Variants in NHSL2 observed in about 807,000 individuals in gnomAD.
NHSL2 encodes the protein NHS like 2.
A neutral mutation model predicts 53.4 loss-of-function variants in NHSL2; 27 were observed. That is an observed-to-expected ratio of 0.51 (90% CI 0.37 to 0.70). The LOEUF (loss-of-function observed/expected upper bound fraction) is 0.70, where lower values mean the gene tolerates loss of function less well. NHSL2 is among the 30% of genes least tolerant of loss of function. The pLI is 0.00. For missense variants in NHSL2, 892 were observed against 980.1 expected (o/e 0.91, Z 1.20); for synonymous variants, 408 against 404.1 (o/e 1.01, Z -0.12).
intron 1 of NHSL2, among the ~76,000 whole-genome samples, chrX:72,043,140 T>C (rs763544451): frequency 9.0e-6 from 1 of 111,177 alleles, no homozygotes; most frequent in Non-Finnish European, 1.9e-5. Context: ...TTCCTGACTT[T>C]TGTGAGTCTC....
rs760754192 is a variant in NHSL2 at position 72,132,059 on chromosome X, C to T, written c.281-20C>T. 1.9e-4 allele frequency: 219 copies of T among 1,163,876 alleles called. 1 individual carries two copies. The African/African-American group carries it at 3.3e-3, about 17-fold the overall frequency. On this transcript the variant is annotated intron_variant, in intron 1 of 7. Coordinates refer to ENST00000633930, the MANE Select transcript of NHSL2 (RefSeq NM_001013627.3). ...CCCTCCAGCTCGCCTGCGCCTCTCA[C>T]TGACTCTCTCCTTCCCTAGCTGCAG...
chrX:71,995,555 G>T (rs2042046445), intron 1 of NHSL2, among the ~76,000 whole-genome samples: 2 of 111,667 alleles, frequency 1.8e-5, no homozygotes, highest in Admixed American at 1.9e-4. Context: ...CTTTGCATTT[G>T]CTGTTCCCTC....
At chrX:72,105,004 G>A (rs984167115) in intron 1 of NHSL2, among the ~76,000 whole-genome samples, 15 of 112,006 alleles carry the variant, frequency 1.3e-4, no homozygotes, top group Non-Finnish European at 2.1e-4. Context: ...AGCAGGATCG[G>A]TCAGAGACAG....
Position 72,020,500 on chromosome X carries a change from G to A in NHSL2, c.280+109133G>A, listed in dbSNP as rs145960767. Among the ~76,000 whole-genome samples, 510 of 112,655 alleles carry A rather than the reference G, an allele frequency of 4.5e-3. 4 individuals are homozygous for A. The highest frequency in any genetic ancestry group is 7.8e-3 in the Non-Finnish European group (414 of 53,280). ...GGGCTCTGGACGCAAACCACTATAT[G>A]GCCTCTTCTTCCTTCCTGGAGTTGG... On this transcript the variant is annotated intron_variant, in intron 1 of 7. Transcript: ENST00000633930.
At chrX:71,953,812 A>G (rs1252121468) in intron 1 of NHSL2, among the ~76,000 whole-genome samples, 4 of 112,096 alleles carry the variant, frequency 3.6e-5, no homozygotes, top group Non-Finnish European at 7.5e-5. Context: ...GCTTCCTGTA[A>G]TGCTTTCCTT....
At position 71,999,850 on chromosome X, in the gene NHSL2, A is replaced by G. The variant is rs186268487; in HGVS notation, c.280+88483A>G. ...TGGTTGTTTCACTTTCTTCTTACTC[A>G]TTAACATAAATGAAAATATCAACCA... On this transcript the variant is annotated intron_variant, in intron 1 of 7. Coordinates refer to ENST00000633930, the MANE Select transcript of NHSL2 (RefSeq NM_001013627.3). Among the ~76,000 whole-genome samples the G allele has an allele frequency of 1.5e-3, 170 of 112,274 alleles. 1 individual carries two copies. Among genetic ancestry groups the G allele is most frequent in the African/African-American group, 5.2e-3 (160 of 30,951 alleles).
At chrX:71,945,332 G>C (rs1010656522) in intron 1 of NHSL2, among the ~76,000 whole-genome samples, 2 of 112,283 alleles carry the variant, frequency 1.8e-5, no homozygotes, top group Non-Finnish European at 3.8e-5. Flanking sequence ...CTGCCTCACT[G>C]CTGAGAAGTC....
chrX:71,921,264 C>CA (rs1188528677), intron 1 of NHSL2, among the ~76,000 whole-genome samples: 3 of 107,311 alleles, frequency 2.8e-5, no homozygotes, highest in Non-Finnish European at 5.8e-5. Flanking sequence ...ACTAATAATA[C>CA]AAAAAATTAG....
intron 1 of NHSL2, among the ~76,000 whole-genome samples, chrX:72,005,109 T>C (rs756992034): frequency 1.8e-5 from 2 of 111,968 alleles, no homozygotes; most frequent in African/African-American, 3.2e-5. Context: ...GTTATATGAA[T>C]GAATGAGTAT....
chrX:71,976,350 G>T (rs1569468290), intron 1 of NHSL2, among the ~76,000 whole-genome samples: 1 of 111,502 alleles, frequency 9.0e-6, no homozygotes, highest in Non-Finnish European at 1.9e-5. Context: ...CCTCCTCATA[G>T]GCCTGTTGTG....
intron 1 of NHSL2, among the ~76,000 whole-genome samples, chrX:72,014,866 G>A (rs2084014563): frequency 9.2e-6 from 1 of 109,203 alleles, no homozygotes; most frequent in Non-Finnish European, 1.9e-5. Flanking sequence ...TATCCCAGAT[G>A]CCTGCTCAGC....
At position 71,991,116 on chromosome X, in the gene NHSL2, T is replaced by C. The variant is rs934486375; in HGVS notation, c.280+79749T>C. Among the ~76,000 whole-genome samples the C allele has an allele frequency of 4.4e-5, 5 of 112,925 alleles. 1 individual carries two copies. Among genetic ancestry groups the C allele is most frequent in the African/African-American group, 1.6e-4 (5 of 31,073 alleles). On this transcript the variant is annotated intron_variant, in intron 1 of 7. Coordinates refer to ENST00000633930, the MANE Select transcript of NHSL2 (RefSeq NM_001013627.3). ...AATAAGTCCCTTCCTCTTTCTGGGCTTCGTGTCTTCAACAGGTGTCTCAAA... is the reference window on the plus strand; with the variant it reads ...AATAAGTCCCTTCCTCTTTCTGGGCCTCGTGTCTTCAACAGGTGTCTCAAA...
In NHSL2 at chrX:72,098,304, G is replaced by A. The variant is rs187560014; in HGVS notation, c.281-33775G>A. On this transcript the variant is annotated intron_variant, in intron 1 of 7. Transcript: ENST00000633930. ...GGAATAAGAAAGAGGAAGTTGGCCG[G>A]GCGCGGTGGCTCACGCCTGTAATCC... 1.2e-4 allele frequency among the ~76,000 whole-genome samples: 13 copies of A among 112,406 alleles called. No homozygotes were observed. In the East Asian group the frequency reaches 3.6e-3, roughly 31 times the overall value.
chrX:72,132,287 G>C (rs752263181), intron 2 of NHSL2, 53 bp downstream of exon 2: 1 of 1,054,079 alleles, frequency 9.5e-7, no homozygotes, highest in Non-Finnish European at 1.3e-6. Flanking sequence ...GATGCGCAGC[G>C]GCAGGAGGGA....
At position 72,131,037 on chromosome X, in the gene NHSL2, C is replaced by T. The variant is rs2042289616; in HGVS notation, c.281-1042C>T. 4.1e-6 allele frequency: 5 copies of T among 1,210,919 alleles called. No homozygotes were observed. The Admixed American group carries it at 8.7e-5, about 21-fold the overall frequency. On this transcript the variant is annotated intron_variant, in intron 1 of 7. Coordinates refer to ENST00000633930, the MANE Select transcript of NHSL2 (RefSeq NM_001013627.3). Reference sequence around the variant, plus strand: ...GGTCGGCTATGAAGGTCTCTAGCTGCATCAGGAATTCAGCCAGGTAGACTG... The same window carrying T: ...GGTCGGCTATGAAGGTCTCTAGCTGTATCAGGAATTCAGCCAGGTAGACTG...
At chrX:72,035,609 A>C (rs2042237359) in intron 1 of NHSL2, among the ~76,000 whole-genome samples, 1 of 111,402 alleles carries the variant, frequency 9.0e-6, no homozygotes, top group Non-Finnish European at 1.9e-5. Flanking sequence ...ATGCCCTTTT[A>C]GCCTCCCTTA....
chrX:71,969,061 A>G (rs1354061122), intron 1 of NHSL2, among the ~76,000 whole-genome samples: 3 of 111,664 alleles, frequency 2.7e-5, no homozygotes, highest in African/African-American at 9.8e-5. Context: ...TTCTGCCAAA[A>G]AAGATAGCTG....
intron 1 of NHSL2, among the ~76,000 whole-genome samples, chrX:72,066,274 A>G (rs2042428764): frequency 1.8e-5 from 2 of 111,879 alleles, no homozygotes; most frequent in South Asian, 7.5e-4. Flanking sequence ...AGAGGAAAGC[A>G]TAAAGATGTC....
chrX:72,040,970 T>C (rs749739268), intron 1 of NHSL2, among the ~76,000 whole-genome samples: 4 of 111,971 alleles, frequency 3.6e-5, no homozygotes, highest in Non-Finnish European at 7.5e-5. Context: ...AAACACATAA[T>C]TATAATGCAG....
Sources: gnomAD v4.1 joint callset for allele counts (sites outside exome capture counted in the v4.1 genomes callset) on GRCh38, gnomAD v4.1.1 for gene constraint, MANE v1.5 for transcripts, NCBI Gene and HGNC (gene_info 2026-07-23, HGNC 2026-07-21) for gene names.